Variants in CAMTA1 observed in about 807,000 individuals in gnomAD.
CAMTA1 encodes the protein calmodulin binding transcription activator 1, also known as calmodulin-binding transcription activator 1.
CAMTA1 carries 27 observed loss-of-function variants against 170.9 expected under a neutral mutation model. That is an observed-to-expected ratio of 0.16 (90% CI 0.12 to 0.22). The LOEUF (loss-of-function observed/expected upper bound fraction) is 0.22, where lower values mean the gene tolerates loss of function less well. Among genes scored for constraint, CAMTA1 ranks in the 10% least tolerant of loss-of-function variants. The probability of loss-of-function intolerance (pLI) is 1.00; values close to 1 mark genes in which losing one functional copy is unlikely to be tolerated. For synonymous variants in CAMTA1, 833 were observed against 891.5 expected (o/e 0.93, Z 1.17); for missense variants, 1,619 against 2,217.2 (o/e 0.73, Z 5.42).
intron 5 of CAMTA1, among the ~76,000 whole-genome samples, chr1:7,302,984 G>T (rs1675012855): frequency 6.6e-6 from 1 of 152,164 alleles, no homozygotes; most frequent in African/African-American, 2.4e-5. Context: ...GGAGGCTAGG[G>T]TGACCCTGAA....
At chr1:7,199,078 C>G (rs1656132127) in intron 4 of CAMTA1, among the ~76,000 whole-genome samples, 1 of 152,162 alleles carries the variant, frequency 6.6e-6, no homozygotes, top group Admixed American at 6.5e-5. Flanking sequence ...CTCCCCTAAG[C>G]GCCTGGAGGT....
intron 6 of CAMTA1, among the ~76,000 whole-genome samples, chr1:7,539,503 T>C (rs1311826117): frequency 6.6e-6 from 1 of 152,250 alleles, no homozygotes; most frequent in African/African-American, 2.4e-5. Flanking sequence ...AATGTTCCTC[T>C]TGGGGCTATT....
intron 6 of CAMTA1, among the ~76,000 whole-genome samples, chr1:7,489,446 C>T (rs999451457): frequency 1.3e-5 from 2 of 152,156 alleles, no homozygotes; most frequent in African/African-American, 2.4e-5. Context: ...GCATGCAGGG[C>T]ACTGGGGCTC....
intron 4 of CAMTA1, among the ~76,000 whole-genome samples, chr1:7,174,842 C>T (rs750627161): frequency 3.7e-4 from 57 of 152,300 alleles, no homozygotes; most frequent in Non-Finnish European, 7.2e-4. Context: ...TGTCTGTCCT[C>T]GTCAGGCAGG....
intron 1 of CAMTA1, among the ~76,000 whole-genome samples, chr1:6,787,635 T>G (rs1639797237): frequency 6.6e-6 from 1 of 152,220 alleles, no homozygotes; most frequent in Non-Finnish European, 1.5e-5. Flanking sequence ...CTCTTCAGGC[T>G]TAGAAGCAGC....
At chr1:7,391,523 A>C (rs1193627845) in intron 5 of CAMTA1, among the ~76,000 whole-genome samples, 2 of 152,146 alleles carry the variant, frequency 1.3e-5, no homozygotes, top group Non-Finnish European at 2.9e-5. Flanking sequence ...TATGGTAAAA[A>C]TTCCGACTTT....
chr1:6,937,948 G>A (rs1328746466), intron 3 of CAMTA1, among the ~76,000 whole-genome samples: 1 of 152,172 alleles, frequency 6.6e-6, no homozygotes, highest in Non-Finnish European at 1.5e-5. Context: ...CACTTCTTAT[G>A]TACCAGACCT....
intron 3 of CAMTA1, among the ~76,000 whole-genome samples, chr1:6,826,857 G>T (rs944188197): frequency 5.9e-5 from 9 of 152,200 alleles, no homozygotes; most frequent in Non-Finnish European, 1.2e-4. Flanking sequence ...TGGGAATTTA[G>T]TTGGTAGATT....
In CAMTA1 at chr1:7,481,123, C is replaced by T. The variant is rs140529831; in HGVS notation, c.510+13222C>T. The stretch of plus-strand genomic sequence containing the variant: ...TCTTCTGCTTCCCAACCCTAAGCCA[C>T]GGCTCCCTCCTACCCAGAGCTGGAG... On this transcript the variant is annotated intron_variant, in intron 6 of 22. Coordinates refer to ENST00000303635, the MANE Select transcript of CAMTA1 (RefSeq NM_015215.4). 1.5e-3 allele frequency among the ~76,000 whole-genome samples: 235 copies of T among 152,296 alleles called. 1 individual carries two copies. The highest frequency in any genetic ancestry group is 2.5e-3 in the Non-Finnish European group (170 of 68,020).
chr1:6,900,382 A>G (rs2149201747), intron 3 of CAMTA1, among the ~76,000 whole-genome samples: 1 of 151,610 alleles, frequency 6.6e-6, no homozygotes, highest in East Asian at 1.9e-4. Context: ...AAGAAAGGGA[A>G]GTAAAAACTC....
intron 4 of CAMTA1, among the ~76,000 whole-genome samples, chr1:7,233,775 C>A (rs1050593405): frequency 6.6e-6 from 1 of 152,158 alleles, no homozygotes; most frequent in South Asian, 2.1e-4. Context: ...CCCCTCTGGA[C>A]GTGCAGTTCC....
intron 6 of CAMTA1, among the ~76,000 whole-genome samples, chr1:7,477,502 CG>C (rs990576559): frequency 6.6e-6 from 1 of 152,188 alleles, no homozygotes; most frequent in Admixed American, 6.5e-5. Flanking sequence ...CACGGCAGAG[CG>C]GACAGTATTT....
At chr1:7,052,871 C>T (rs545281784) in intron 3 of CAMTA1, among the ~76,000 whole-genome samples, 16 of 152,312 alleles carry the variant, frequency 1.1e-4, no homozygotes, top group Admixed American at 6.5e-4. Context: ...TCTCTTGGGC[C>T]GGGCCGTCCC....
intron 5 of CAMTA1, among the ~76,000 whole-genome samples, chr1:7,444,341 C>T (rs1575365494): frequency 6.6e-6 from 1 of 152,312 alleles, no homozygotes; most frequent in South Asian, 2.1e-4. Context: ...ACTGTGGCTG[C>T]CCGAGCATCT....
At chr1:7,227,899 T>G (rs563254666) in intron 4 of CAMTA1, among the ~76,000 whole-genome samples, 1 of 151,840 alleles carries the variant, frequency 6.6e-6, no homozygotes, top group South Asian at 2.1e-4. Context: ...GGCTGCTGAC[T>G]GCAAGAAAGA....
At chr1:7,500,602 G>T (rs1389413145) in intron 6 of CAMTA1, among the ~76,000 whole-genome samples, 1 of 152,134 alleles carries the variant, frequency 6.6e-6, no homozygotes, top group African/African-American at 2.4e-5. Flanking sequence ...GGTCCTGCCC[G>T]CTTCTGTAGC....
chr1:7,033,778 G>C (rs146662111), intron 3 of CAMTA1, among the ~76,000 whole-genome samples: 3 of 151,804 alleles, frequency 2.0e-5, no homozygotes, highest in African/African-American at 4.8e-5. Flanking sequence ...ATTTTCAGTA[G>C]AGACGGGGTT....
chr1:6,962,588 C>G (rs1690656898), intron 3 of CAMTA1, among the ~76,000 whole-genome samples: 1 of 148,844 alleles, frequency 6.7e-6, no homozygotes, highest in African/African-American at 2.5e-5. Context: ...CTGGCCCCAC[C>G]CCTCCTTTTT....
chr1:7,500,027 G>A (rs2093958986), intron 6 of CAMTA1, among the ~76,000 whole-genome samples: 1 of 143,872 alleles, frequency 7.0e-6, no homozygotes, highest in Non-Finnish European at 1.5e-5. Context: ...TTACTGTGTA[G>A]AGAGGATTGT....
Sources: gnomAD v4.1 joint callset for allele counts (sites outside exome capture counted in the v4.1 genomes callset) on GRCh38, gnomAD v4.1.1 for gene constraint, MANE v1.5 for transcripts, NCBI Gene and HGNC (gene_info 2026-07-23, HGNC 2026-07-21) for gene names.